LIPA: variants seen among roughly 807,000 people sequenced by gnomAD.
The protein encoded by LIPA is lipase A, lysosomal acid type, also known as lysosomal acid lipase/cholesteryl ester hydrolase.
LIPA carries 26 observed loss-of-function variants against 40.6 expected under a neutral mutation model. The ratio of observed to expected loss-of-function variants is 0.64; its 90% CI spans 0.47 to 0.89. The LOEUF is 0.89. LIPA is among the 40% of genes least tolerant of loss of function. The probability of loss-of-function intolerance (pLI) is 0.00; values close to 1 mark genes in which losing one functional copy is unlikely to be tolerated. For missense variants in LIPA, 455 were observed against 479.6 expected, an observed-to-expected ratio of 0.95 and a Z score of 0.48; for synonymous variants, 188 against 168.4, an observed-to-expected ratio of 1.12 and a Z score of -0.90.
intron 1 of LIPA, chr10:89,339,192 G>A (rs144424377): frequency 8.4e-5 from 135 of 1,614,056 alleles, no homozygotes; most frequent in Middle Eastern, 1.6e-4. Flanking sequence ...TGGCAATTGC[G>A]ATGTACCATC....
At chr10:89,357,522 T>C (rs1843995075) in intron 2 of LIPA, among the ~76,000 whole-genome samples, 1 of 152,242 alleles carries the variant, frequency 6.6e-6, no homozygotes, top group African/African-American at 2.4e-5. Flanking sequence ...CTTACTAAGT[T>C]AACAGACACA....
chr10:89,401,803 C>A (rs1418456722), intron 2 of LIPA, among the ~76,000 whole-genome samples: 2 of 149,744 alleles, frequency 1.3e-5, no homozygotes, highest in Non-Finnish European at 3.0e-5. Flanking sequence ...AAAAAAAAAA[C>A]CCGGGTCAAA....
Position 89,329,638 on chromosome 10 carries a change from T to C in LIPA, c.-2+12973A>G, listed in dbSNP as rs560176008. ...ACGTGCCAGCTGATGGGCATCCTCCTCTGCCCCATCCACTGAGGAACTCTG... is the reference window on the plus strand; with the variant it reads ...ACGTGCCAGCTGATGGGCATCCTCCCCTGCCCCATCCACTGAGGAACTCTG... On this transcript the variant is annotated intron_variant, in intron 1 of 5. Coordinates refer to the LIPA transcript ENST00000282673. Among the ~76,000 whole-genome samples, 117 of 151,132 alleles carry C rather than the reference T, an allele frequency of 7.7e-4. 1 individual carries two copies. The highest frequency in any genetic ancestry group is 2.8e-3 in the African/African-American group (114 of 40,414).
chr10:89,259,740 G>T (rs1305721740), intron 1 of LIPA, among the ~76,000 whole-genome samples: 1 of 152,164 alleles, frequency 6.6e-6, no homozygotes, highest in Non-Finnish European at 1.5e-5. Flanking sequence ...ACAGCAACAT[G>T]AATGACTCTT....
chr10:89,249,951 A>G (rs776579574), intron 1 of LIPA, among the ~76,000 whole-genome samples: 1 of 152,108 alleles, frequency 6.6e-6, no homozygotes, highest in Non-Finnish European at 1.5e-5. Flanking sequence ...AATATTCCAC[A>G]AGTCTTAAGA....
At chr10:89,406,851 C>T (rs185156978) in intron 2 of LIPA, among the ~76,000 whole-genome samples, 14 of 152,142 alleles carry the variant, frequency 9.2e-5, no homozygotes, top group South Asian at 2.1e-4. Flanking sequence ...TTGGTGACCA[C>T]GAAGGGACTA....
chr10:89,270,600 C>T (rs1589584478), intron 1 of LIPA, among the ~76,000 whole-genome samples: 1 of 152,216 alleles, frequency 6.6e-6, no homozygotes. Flanking sequence ...TAGTGGACCT[C>T]TTTGGAGGTC....
intron 8 of LIPA, 37 bp from the exon 9 acceptor site, chr10:89,216,046 A>G (rs745837627): frequency 2.9e-6 from 4 of 1,391,840 alleles, no homozygotes; most frequent in Non-Finnish European, 4.1e-6. Flanking sequence ...GTTATCTGAC[A>G]CCAAAGTTAG....
chr10:89,237,055 CTT>C (rs1842913995), intron 3 of LIPA, among the ~76,000 whole-genome samples: 1 of 152,158 alleles, frequency 6.6e-6, no homozygotes, highest in Admixed American at 6.5e-5. Flanking sequence ...GGGAGGACCT[CTT>C]GAGGCCAGGT....
At chr10:89,241,354 A>G (rs1224620954) in intron 3 of LIPA, among the ~76,000 whole-genome samples, 2 of 152,180 alleles carry the variant, frequency 1.3e-5, no homozygotes, top group African/African-American at 4.8e-5. Context: ...AGCCCAAGTC[A>G]CCAAGCTCAG....
intron 2 of LIPA, chr10:89,384,553 T>A (rs756763025): frequency 4.3e-6 from 7 of 1,614,130 alleles, no homozygotes; most frequent in Middle Eastern, 3.3e-4. Context: ...AATGTCCCAT[T>A]CCAGGGAAAA....
chr10:89,403,586 G>A, intron 2 of LIPA: 1 of 1,614,036 alleles, frequency 6.2e-7, no homozygotes, highest in Non-Finnish European at 8.5e-7. Context: ...CATTAGATCT[G>A]GAAAGCTTGA....
intron 1 of LIPA, chr10:89,341,014 T>C (rs1258102678): frequency 6.6e-6 from 1 of 152,212 alleles, no homozygotes; most frequent in Non-Finnish European, 1.5e-5. Context: ...ATAACAGTAA[T>C]ATTAATTCCC....
At chr10:89,253,245 TAA>T (rs1760383906), upstream of LIPA, among the ~76,000 whole-genome samples, 1 of 152,184 alleles carries the variant, frequency 6.6e-6, no homozygotes, top group Admixed American at 6.5e-5. Context: ...ATGCTGCTAA[TAA>T]AGACATACCC....
At chr10:89,379,068 T>C (rs561785961) in intron 2 of LIPA, among the ~76,000 whole-genome samples, 2 of 152,250 alleles carry the variant, frequency 1.3e-5, no homozygotes, top group Non-Finnish European at 1.5e-5. Context: ...TTTTATTTGA[T>C]AAATTGGTTA....
intron 8 of LIPA, 49 bp from the exon 9 acceptor site, chr10:89,216,058 G>C: frequency 8.0e-7 from 1 of 1,242,268 alleles, no homozygotes; most frequent in Non-Finnish European, 1.2e-6. Flanking sequence ...CAAAGTTAGA[G>C]ATAACATCAT....
chr10:89,384,401 T>C, intron 2 of LIPA: 2 of 1,614,138 alleles, frequency 1.2e-6, no homozygotes, highest in South Asian at 1.1e-5. Context: ...GAGGAACATT[T>C]TCAGAAAGGG....
At chr10:89,338,834 T>A in intron 1 of LIPA, 2 of 1,614,144 alleles carry the variant, frequency 1.2e-6, no homozygotes, top group African/African-American at 2.7e-5. Context: ...TTGGCCTACA[T>A]AAAACACCTA....
intron 2 of LIPA, among the ~76,000 whole-genome samples, chr10:89,398,275 T>A (rs1469348011): frequency 6.6e-6 from 1 of 152,256 alleles, no homozygotes; most frequent in Non-Finnish European, 1.5e-5. Flanking sequence ...CAGGCTTGTT[T>A]ATTTATGTTG....
Sources: gnomAD v4.1 joint callset for allele counts (sites outside exome capture counted in the v4.1 genomes callset) on GRCh38, gnomAD v4.1.1 for gene constraint, MANE v1.5 for transcripts, NCBI Gene and HGNC (gene_info 2026-07-23, HGNC 2026-07-21) for gene names.